SOS1: variants seen among roughly 807,000 people sequenced by gnomAD.
SOS1 encodes the protein son of sevenless homolog 1.
In SOS1, 25 loss-of-function variants were observed where a neutral mutation model predicts 157.6. That is an observed-to-expected ratio of 0.16 (90% CI 0.12 to 0.22). The LOEUF (loss-of-function observed/expected upper bound fraction) is 0.22. Ranked by LOEUF, SOS1 falls within the 10% of genes least tolerant of loss-of-function variation. The pLI, the probability that SOS1 is intolerant of heterozygous loss-of-function variation, is 1.00. For missense variants in SOS1, 1,237 were observed against 1,599.1 expected (o/e 0.77, Z 3.86); for synonymous variants, 528 against 534.0 (o/e 0.99, Z 0.16).
At chr2:39,019,007 A>C (rs138821139) in intron 10 of SOS1, among the ~76,000 whole-genome samples, 136 of 151,940 alleles carry the variant, frequency 9.0e-4, no homozygotes, top group African/African-American at 2.7e-3. Flanking sequence ...AAACACCGAA[A>C]CTGAGCTTAT....
intron 1 of SOS1, among the ~76,000 whole-genome samples, chr2:39,069,743 T>TCACC (rs1351940036): frequency 6.6e-6 from 1 of 152,174 alleles, no homozygotes; most frequent in Non-Finnish European, 1.5e-5. Context: ...AGACGGGGTT[T>TCACC]CACCACGTTG....
chr2:39,105,003 T>C (rs534253940), intron 1 of SOS1, among the ~76,000 whole-genome samples: 1 of 152,318 alleles, frequency 6.6e-6, no homozygotes, highest in South Asian at 2.1e-4. Context: ...GCAAATTTAA[T>C]GTTGTATAAA....
intron 5 of SOS1, 21 bp from the exon 6 acceptor site, chr2:39,051,308 T>C (rs763299827): frequency 2.5e-6 from 4 of 1,600,798 alleles, no homozygotes; most frequent in Admixed American, 1.7e-5. Context: ...GAAAACACAT[T>C]AATTCAGTGA....
At chr2:39,014,592 T>A (rs901309585) in intron 11 of SOS1, among the ~76,000 whole-genome samples, 173 bp downstream of exon 11, 7 of 152,054 alleles carry the variant, frequency 4.6e-5, no homozygotes, top group South Asian at 2.1e-4. Context: ...TGTATTGAAA[T>A]AATAAAAGCT....
upstream of SOS1, among the ~76,000 whole-genome samples, chr2:39,123,167 G>T (rs192511509): frequency 7.9e-5 from 12 of 152,110 alleles, no homozygotes; most frequent in Non-Finnish European, 1.3e-4. Context: ...CCCTTGGCTG[G>T]TTATAAACAT....
At chr2:39,074,935 T>G (rs1220126629) in intron 1 of SOS1, among the ~76,000 whole-genome samples, 2 of 149,806 alleles carry the variant, frequency 1.3e-5, no homozygotes, top group African/African-American at 4.9e-5. Context: ...GGAAACTAAG[T>G]TGGACCATGG....
At chr2:39,011,735 G>C (rs924483955) in intron 14 of SOS1, among the ~76,000 whole-genome samples, 1 of 152,164 alleles carries the variant, frequency 6.6e-6, no homozygotes, top group East Asian at 1.9e-4. Context: ...TTTGTGCTAG[G>C]TAATGTACAT....
Position 38,987,544 on chromosome 2 carries a change from C to T in SOS1, c.3439G>A (p.Val1147Met). 6.2e-7 allele frequency: 1 copy of T among 1,605,056 alleles called. No homozygotes were observed. Among genetic ancestry groups the T allele is most frequent in the Non-Finnish European group, 8.5e-7 (1 of 1,173,504 alleles). Reference protein sequence around the residue: ...SISLTKGTDEVPVPPPVPPRR... With the variant: ...SISLTKGTDEMPVPPPVPPRR... ...GGAGGAACAGGAGGAGGGACAGGCA[C>T]TTCATCAGTGCCTTTGGTTAAACTT... The change falls in exon 22 of 23, where the codon GTG becomes ATG. Residue 1147 changes from valine (V) to methionine (M), a missense_variant. Transcript: ENST00000402219.
chr2:39,038,925 C>T (rs1670456100), intron 6 of SOS1, among the ~76,000 whole-genome samples: 1 of 151,826 alleles, frequency 6.6e-6, no homozygotes, highest in South Asian at 2.1e-4. Context: ...AACAACATCA[C>T]CAGCTACACA....
At chr2:39,052,645 T>A (rs772354070) in intron 5 of SOS1, among the ~76,000 whole-genome samples, 16 of 152,216 alleles carry the variant, frequency 1.1e-4, no homozygotes, top group Non-Finnish European at 2.2e-4. Context: ...TATTCCTGAG[T>A]AGCATTCCAC....
At chr2:39,107,958 C>T (rs1673264642) in intron 1 of SOS1, among the ~76,000 whole-genome samples, 1 of 152,084 alleles carries the variant, frequency 6.6e-6, no homozygotes, top group Non-Finnish European at 1.5e-5. Context: ...TGGATATCTG[C>T]CAAAGAGTAA....
At chr2:38,986,444 CAT>C (rs1308150928) in intron 22 of SOS1, 129 bp from the exon 23 acceptor site, 53 of 904,124 alleles carry the variant, frequency 5.9e-5, no homozygotes, top group Non-Finnish European at 7.8e-5. Flanking sequence ...GGAGTTTTGC[CAT>C]ATGTTTTCTT....
At chr2:39,042,952 T>C (rs1161676811) in intron 6 of SOS1, among the ~76,000 whole-genome samples, 1 of 152,176 alleles carries the variant, frequency 6.6e-6, no homozygotes, top group African/African-American at 2.4e-5. Flanking sequence ...GTTTGCTATA[T>C]AGATAATTAT....
intron 17 of SOS1, among the ~76,000 whole-genome samples, chr2:38,998,283 TCTGTCTC>T (rs1668969417): frequency 6.6e-6 from 1 of 152,104 alleles, no homozygotes; most frequent in Non-Finnish European, 1.5e-5. Context: ...GGAGTCTCAC[TCTGTCTC>T]CCAGGCTAGA....
rs1299925748 is a variant in SOS1, at chr2:39,037,497, T to G, written c.865-1997A>C. Among the ~76,000 whole-genome samples, 3 of 152,198 alleles carry G rather than the reference T, an allele frequency of 2.0e-5. No individual in the cohort carries two copies. In the South Asian group the frequency reaches 6.2e-4, roughly 31 times the overall value. On this transcript the variant is annotated intron_variant, in intron 6 of 22. Transcript: ENST00000402219. ...CAGTTTTCTCTAATCCATTCTCCAC[T>G]GATAGATAACTGTTTCTTGTTTTTC...
chr2:39,003,829 G>A (rs1669192112), intron 17 of SOS1, among the ~76,000 whole-genome samples: 1 of 152,198 alleles, frequency 6.6e-6, no homozygotes, highest in Non-Finnish European at 1.5e-5. Context: ...ATATAAAGCA[G>A]GGTTTCTCTG....
intron 1 of SOS1, among the ~76,000 whole-genome samples, chr2:39,106,235 T>A (rs1195218076): frequency 6.6e-6 from 1 of 151,158 alleles, no homozygotes; most frequent in Non-Finnish European, 1.5e-5. Flanking sequence ...AGCATTAAAG[T>A]AGCATTAAAG....
At chr2:39,097,328 G>C (rs297149) in intron 1 of SOS1, among the ~76,000 whole-genome samples, 140,737 of 152,238 alleles carry the variant, frequency 0.92, 65,133 homozygotes, top group African/African-American at 0.94. Context: ...TCAGCATATA[G>C]CTAATTCTTT....
Position 38,987,450 on chromosome 2 carries a change from CACA to C in SOS1, c.3510+20_3510+22del, listed in dbSNP as rs1224323965. On this transcript the variant is annotated intron_variant, in intron 22 of 22. Coordinates refer to ENST00000402219, the MANE Select transcript of SOS1 (RefSeq NM_005633.4). ...TGAACTGTAATGATTCCAATTTCTA[CACA>C]ACAAGATTTCTTACTTTACCTTAGA... 8.2e-6 allele frequency: 10 copies of C among 1,215,150 alleles called. No individual in the cohort carries two copies. The highest frequency in any genetic ancestry group is 1.2e-5 in the Non-Finnish European group (10 of 822,514). The allele number at this position is 1,215,150 out of a possible 1,614,324, so 75.3% of individuals were successfully genotyped here. A position where few individuals can be genotyped will look rare whatever the true frequency, so the allele number is the denominator to read the frequency against.
Sources: allele counts gnomAD v4.1 joint callset (sites outside exome capture counted in the v4.1 genomes callset), GRCh38; gene constraint gnomAD v4.1.1; transcripts MANE v1.5; gene names NCBI Gene and HGNC (gene_info 2026-07-23, HGNC 2026-07-21).